CTTNBP2NL: variants seen among roughly 807,000 people sequenced by gnomAD.
CTTNBP2NL encodes CTTNBP2 N-terminal-like protein.
Under a neutral mutation model 32.5 loss-of-function variants are expected in CTTNBP2NL, and 16 were observed. That is an observed-to-expected ratio of 0.49 (90% confidence interval 0.33 to 0.75). The LOEUF is 0.75. Among genes scored for constraint, CTTNBP2NL ranks in the 30% least tolerant of loss-of-function variants. CTTNBP2NL has a pLI of 0.02. For missense variants in CTTNBP2NL, 645 were observed against 756.0 expected (o/e 0.85, Z 1.72); for synonymous variants, 298 against 289.4 (o/e 1.03, Z -0.30).
In CTTNBP2NL at chr1:112,405,024, G is replaced by A. The variant is rs559601328; in HGVS notation, c.-133-7170G>A. ...CGAGGTTGCGGTGAGCCGAGGTTGC[G>A]CCATTGCACTCCAGGCTGGGCAACA... On this transcript the variant is annotated intron_variant, in intron 1 of 5. Transcript: ENST00000271277. Among the ~76,000 whole-genome samples the A allele has an allele frequency of 4.0e-3, 602 of 151,488 alleles. 5 individuals are homozygous for A. Among genetic ancestry groups the A allele is most frequent in the African/African-American group, 0.014 (559 of 41,264 alleles).
At chr1:112,415,918 A>G in intron 2 of CTTNBP2NL, 1 of 398,842 alleles carries the variant, frequency 2.5e-6, no homozygotes, top group Non-Finnish European at 4.5e-6. Flanking sequence ...TGGAGGAAAT[A>G]TGATGAAAAA....
upstream of CTTNBP2NL, among the ~76,000 whole-genome samples, chr1:112,393,961 A>G (rs191177598): frequency 2.6e-5 from 4 of 152,070 alleles, no homozygotes; most frequent in Admixed American, 2.6e-4. Context: ...CATCCCAGCC[A>G]CTTTGGGAGG....
intron 3 of CTTNBP2NL, among the ~76,000 whole-genome samples, chr1:112,438,029 TC>T (rs1649786666): frequency 6.6e-6 from 1 of 152,332 alleles, no homozygotes; most frequent in Non-Finnish European, 1.5e-5. Context: ...CTTTGCCAGT[TC>T]CCGTGTCCAG....
intron 1 of CTTNBP2NL, among the ~76,000 whole-genome samples, chr1:112,401,050 A>G (rs1176116059): frequency 6.6e-6 from 1 of 152,134 alleles, no homozygotes; most frequent in Non-Finnish European, 1.5e-5. Context: ...TACCCAGGAT[A>G]TAAGAAGCAC....
Position 112,456,816 on chromosome 1 carries a change from G to C in CTTNBP2NL, c.1324G>C (p.Ala442Pro), listed in dbSNP as rs1432431931. 1 of 1,614,054 alleles carries C rather than the reference G, an allele frequency of 6.2e-7. No homozygotes were observed. The highest frequency in any genetic ancestry group is 2.2e-5 in the East Asian group (1 of 44,854). ...CACTAAGCGTTTATTGGGGTCATCA[G>C]CTAGCAGCCCTGGCTACCAGTCATC... The part of the protein sequence containing the change: ...VLTKRLLGSS[A>P]SSPGYQSSYQ... The change falls in exon 6 of 6, where the codon GCT (alanine) becomes CCT (proline). Residue 442 changes from alanine to proline, a missense_variant. By Grantham distance (27) the Ala-to-Pro change is conservative. Transcript: ENST00000271277.
chr1:112,457,030 C>G lies in CTTNBP2NL; in HGVS notation c.1538C>G (p.Thr513Ser). Residue 513 changes from threonine (T) to serine (S), a missense_variant, in exon 6 of 6, where the codon ACT becomes AGT. By Grantham distance (58) the Thr-to-Ser change is moderately conservative. Coordinates refer to ENST00000271277, the MANE Select transcript of CTTNBP2NL (RefSeq NM_018704.3). ...GTCACTCAGGTGCTCTCCAGATTCA[C>G]TAGCCAACAAGGGCCAATCAAGCCA... is the stretch of plus-strand genomic sequence containing the variant. ...NTVTQVLSRF[T>S]SQQGPIKPVS... The G allele has an allele frequency of 6.2e-7, 1 of 1,614,186 alleles. No individual in the cohort carries two copies.
At chr1:112,433,536 G>A (rs1371621351) in intron 3 of CTTNBP2NL, among the ~76,000 whole-genome samples, 1 of 152,184 alleles carries the variant, frequency 6.6e-6, no homozygotes, top group Non-Finnish European at 1.5e-5. Context: ...AGGTTGCAGT[G>A]AGCCAAGATT....
In CTTNBP2NL at chr1:112,459,740, A is replaced by G. The variant is rs187153564; in HGVS notation, c.*2328A>G. 6.6e-6 allele frequency: 1 copy of G among 152,306 alleles called. No individual in the cohort carries two copies. Among genetic ancestry groups the G allele is most frequent in the African/African-American group, 2.4e-5 (1 of 41,574 alleles). 9.4% of individuals were successfully genotyped at this position (152,306 alleles called of 1,614,324 possible). On this transcript the variant is annotated 3_prime_UTR_variant, in exon 6 of 6. Transcript: ENST00000271277. ...TGGAGAGGAGGCTACAGTGCCAGAG[A>G]GTTATTGTCTCTTTTGCTTTAAATG...
chr1:112,404,162 C>T (rs1374521657), intron 1 of CTTNBP2NL, among the ~76,000 whole-genome samples: 1 of 152,194 alleles, frequency 6.6e-6, no homozygotes, highest in African/African-American at 2.4e-5. Context: ...ATTCCAAAAT[C>T]CATGTGCTTT....
intron 1 of CTTNBP2NL, among the ~76,000 whole-genome samples, chr1:112,411,488 A>T (rs1648863778): frequency 1.3e-5 from 2 of 152,204 alleles, no homozygotes; most frequent in South Asian, 4.1e-4. Context: ...ACAGTGTATG[A>T]TAATGTATCC....
rs974709675 is a variant in CTTNBP2NL, at chr1:112,396,226, T to TGGGGAGTGGAGGCGGA, written c.-173_-158dup. The TGGGGAGTGGAGGCGGA allele has an allele frequency of 3.9e-5, 6 of 152,306 alleles. No individual in the cohort carries two copies. The highest frequency in any genetic ancestry group is 3.3e-4 in the Admixed American group (5 of 15,296). The allele number at this position is 152,306 out of a possible 1,614,324, so 9.4% of individuals were successfully genotyped here. ...GGGGCGGAGCCTCAGCCGCTGTGGA[T>TGGGGAGTGGAGGCGGA]GGGGAGTGGAGGCGGAGGGGAGCGG... On this transcript the variant is annotated 5_prime_UTR_variant, in exon 1 of 6. It introduces an in-frame stop codon into an upstream open reading frame of the 5' UTR. Coordinates refer to ENST00000271277, the MANE Select transcript of CTTNBP2NL (RefSeq NM_018704.3).
At position 112,459,025 on chromosome 1, in the gene CTTNBP2NL, G is replaced by A. The variant is rs1044739198; in HGVS notation, c.*1613G>A. The A allele has an allele frequency of 6.6e-6, 1 of 152,164 alleles. No homozygotes were observed. Among genetic ancestry groups the A allele is most frequent in the South Asian group, 2.1e-4 (1 of 4,832 alleles). 9.4% of individuals were successfully genotyped at this position (152,164 alleles called of 1,614,324 possible). ...CAAGAATGCTAAACCAGGATTACCA[G>A]TTCTTCACATTTTTTGAAATCCAAA... On this transcript the variant is annotated 3_prime_UTR_variant, in exon 6 of 6. Coordinates refer to ENST00000271277, the MANE Select transcript of CTTNBP2NL (RefSeq NM_018704.3).
chr1:112,456,900 G>A lies in CTTNBP2NL; in HGVS notation c.1408G>A (p.Ala470Thr). Residue 470 changes from alanine (A) to threonine (T), a missense_variant, in exon 6 of 6, where the codon GCA becomes ACA. Ala to Thr is a moderately conservative substitution (Grantham distance 58, BLOSUM62 0). Coordinates refer to ENST00000271277, the MANE Select transcript of CTTNBP2NL (RefSeq NM_018704.3). Reference sequence around the variant, plus strand: ...AGCTCGCCACAAATTTCAGTCCCAAGCAGATCAGGACCAACAAGCCAGTGG... The same window carrying A: ...AGCTCGCCACAAATTTCAGTCCCAAACAGATCAGGACCAACAAGCCAGTGG... ...HAARHKFQSQ[A>T]DQDQQASGLQ... is the part of the protein sequence containing the mutation. 1 of 1,614,090 alleles carries A rather than the reference G, an allele frequency of 6.2e-7. No individual in the cohort carries two copies. The highest frequency in any genetic ancestry group is 1.1e-5 in the South Asian group (1 of 91,078).
At position 112,457,430 on chromosome 1, in the gene CTTNBP2NL, C is replaced by G. The variant is rs745684684; in HGVS notation, c.*18C>G. The G allele has an allele frequency of 1.9e-6, 3 of 1,573,192 alleles. No homozygotes were observed. The highest frequency in any genetic ancestry group is 1.9e-5 in the Admixed American group (1 of 53,914). ...GCAGCTAGTCCCTAGGAGGGAGTCT[C>G]CACGTTTGACATTCCATCAGATTTC... On this transcript the variant is annotated 3_prime_UTR_variant, in exon 6 of 6. Coordinates refer to ENST00000271277, the MANE Select transcript of CTTNBP2NL (RefSeq NM_018704.3).
chr1:112,448,757 GTTC>G (rs1650126213), intron 3 of CTTNBP2NL, among the ~76,000 whole-genome samples, 182 bp from the exon 4 acceptor site: 1 of 152,180 alleles, frequency 6.6e-6, no homozygotes, highest in African/African-American at 2.4e-5. Context: ...ATAAGTATTT[GTTC>G]TTGTTAATAT....
In CTTNBP2NL at chr1:112,411,685, A is replaced by AT. The variant is rs5777111; in HGVS notation, c.-133-494dup. Among the ~76,000 whole-genome samples, 1,179 of 144,608 alleles carry AT rather than the reference A, an allele frequency of 8.2e-3. 12 individuals carry two copies. The highest frequency in any genetic ancestry group is 0.027 in the African/African-American group (1,055 of 39,310). The allele number at this position is 144,608 out of a possible 152,430, so 94.9% of individuals were successfully genotyped here. The stretch of plus-strand genomic sequence containing the variant: ...TTTAAAAATTTCCGTTGTAATTATG[A>AT]TTTTTTTTTTTTTTTGAGATGGAGT... On this transcript the variant is annotated intron_variant, in intron 1 of 5. Coordinates refer to ENST00000271277, the MANE Select transcript of CTTNBP2NL (RefSeq NM_018704.3).
At chr1:112,391,744 C>G (rs1301758444), upstream of CTTNBP2NL, among the ~76,000 whole-genome samples, 2 of 152,164 alleles carry the variant, frequency 1.3e-5, no homozygotes, top group Non-Finnish European at 2.9e-5. Context: ...AATCCCAACA[C>G]TTTGGGAGGC....
At position 112,441,952 on chromosome 1, in the gene CTTNBP2NL, A is replaced by C. The variant is rs926407989; in HGVS notation, c.100-6990A>C. On this transcript the variant is annotated intron_variant, in intron 3 of 5. Coordinates refer to ENST00000271277, the MANE Select transcript of CTTNBP2NL (RefSeq NM_018704.3). ...GAAAAAAGAGATTAGGATCTAATGT[A>C]TCATTTAAAATAATACTTTCTTCAA... 2.0e-5 allele frequency among the ~76,000 whole-genome samples: 3 copies of C among 152,312 alleles called. No homozygotes were observed. The South Asian group carries it at 6.2e-4, about 32-fold the overall frequency.
chr1:112,428,094 C>G (rs1649457171), intron 3 of CTTNBP2NL, among the ~76,000 whole-genome samples: 1 of 151,930 alleles, frequency 6.6e-6, no homozygotes, highest in Non-Finnish European at 1.5e-5. Context: ...TGTATCCACA[C>G]ACACACACTC....
Sources: gnomAD v4.1 joint callset for allele counts (sites outside exome capture counted in the v4.1 genomes callset) on GRCh38, gnomAD v4.1.1 for gene constraint, MANE v1.5 for transcripts, NCBI Gene and HGNC (gene_info 2026-07-23, HGNC 2026-07-21) for gene names.